Variants in GATM observed in about 807,000 individuals in gnomAD.
GATM encodes glycine amidinotransferase, mitochondrial.
A neutral mutation model predicts 54.2 loss-of-function variants in GATM; 23 were observed. That is an observed-to-expected ratio of 0.42 (90% CI 0.31 to 0.60). The LOEUF (loss-of-function observed/expected upper bound fraction) is 0.60, where lower values mean the gene tolerates loss of function less well. GATM is among the 20% of genes least tolerant of loss of function. GATM has a pLI of 0.14. For synonymous variants in GATM, 168 were observed against 183.1 expected (o/e 0.92, Z 0.67); for missense variants, 401 against 544.9 (o/e 0.74, Z 2.63).
intron 3 of GATM, among the ~76,000 whole-genome samples, chr15:45,383,744 A>G (rs1889772892): frequency 6.6e-6 from 1 of 152,106 alleles, no homozygotes; most frequent in Admixed American, 6.5e-5. Flanking sequence ...GGGTTTCACC[A>G]TATTGGCCAG....
intron 6 of GATM, among the ~76,000 whole-genome samples, chr15:45,365,817 A>G (rs1375688013): frequency 6.6e-6 from 1 of 152,242 alleles, no homozygotes; most frequent in Non-Finnish European, 1.5e-5. Context: ...GCAAGTGGCC[A>G]AAGTCTGATG....
At chr15:45,372,418 CT>C (rs1889559170) in intron 2 of GATM, among the ~76,000 whole-genome samples, 10 of 152,190 alleles carry the variant, frequency 6.6e-5, no homozygotes, top group Admixed American at 1.3e-4. Context: ...AAAGACCAAG[CT>C]ACCCTTTCAA....
At chr15:45,379,614 A>G (rs926201270), upstream of GATM, 1 of 152,248 alleles carries the variant, frequency 6.6e-6, no homozygotes, top group African/African-American at 2.4e-5. Context: ...GAACAATAGA[A>G]TTTACTGTCC....
At chr15:45,378,920 T>G (rs2140662295), upstream of GATM, 1 of 152,896 alleles carries the variant, frequency 6.5e-6, no homozygotes, top group Middle Eastern at 3.3e-3. Context: ...TAAATTCACA[T>G]ATGCGCACTG....
intron 1 of GATM, chr15:45,378,155 C>T (rs1889672892): frequency 1.1e-5 from 5 of 475,654 alleles, no homozygotes; most frequent in Non-Finnish European, 1.1e-5. Context: ...AGGGCTGGAG[C>T]CGCAACGCAA....
rs771343478 is a variant in GATM at position 45,369,327 on chromosome 15, C to T, written c.483G>A (p.Thr161=). The part of the protein sequence containing the change: ...LKYKTPDFES[T]GLYSAMPRDI... ...GTTTAGTTATCTGACATCACTTACC[C>T]GTAGACTCAAAATCAGGAGTTTTAT... The change falls in exon 3 of 9, where the codon ACG becomes ACA. Residue 161 remains threonine, a splice_region_variant and synonymous_variant. Transcript: ENST00000396659. 4.8e-5 allele frequency: 78 copies of T among 1,613,108 alleles called. No homozygotes were observed. The highest frequency in any genetic ancestry group is 1.7e-5 in the Admixed American group (1 of 60,006).
rs947552216 is a variant in GATM, at chr15:45,368,399, C to T, written c.485-139G>A. The T allele has an allele frequency of 1.4e-6, 1 of 727,414 alleles. No homozygotes were observed. The highest frequency in any genetic ancestry group is 2.4e-6 in the Non-Finnish European group (1 of 413,726). 45.1% of individuals were successfully genotyped at this position (727,414 alleles called of 1,614,324 possible). A position where few individuals can be genotyped will look rare whatever the true frequency, so the allele number is the denominator to read the frequency against. On this transcript the variant is annotated intron_variant, in intron 3 of 8. Coordinates refer to ENST00000396659, the MANE Select transcript of GATM (RefSeq NM_001482.3). The surrounding 1 kb of genome is among the most constrained non-coding windows in gnomAD (Gnocchi z 5.1). ...GGCCAAGACGGGCGGATCACTTGAT[C>T]CTCTTCAAGAGCAGCCTGGCCAACA...
intron 6 of GATM, 62 bp from the exon 7 acceptor site, chr15:45,364,922 T>A: frequency 5.5e-6 from 7 of 1,279,468 alleles, no homozygotes; most frequent in East Asian, 2.4e-5. Flanking sequence ...TTATTATTAG[T>A]CTCTAATAGC....
chr15:45,369,759 G>C, intron 2 of GATM: 1 of 512,760 alleles, frequency 2.0e-6, no homozygotes, highest in Non-Finnish European at 3.5e-6. Context: ...CCTCCTGCCT[G>C]AGATCTCATG....
chr15:45,366,402 G>C lies in GATM; in HGVS notation c.782C>G (p.Ala261Gly), dbSNP rs1184570553. ...TCTCTGTGCAAAAATATCTCTTCCA[G>C]CTCGAATGAAGTCAGCAGCATCAAA... ...PCFDAADFIR[A>G]GRDIFAQRSQ... Residue 261 changes from alanine (A) to glycine (G), a missense_variant, in exon 5 of 9, where the codon GCT becomes GGT. By Grantham distance (60) the Ala-to-Gly change is moderately conservative (BLOSUM62 0). Coordinates refer to ENST00000396659, the MANE Select transcript of GATM (RefSeq NM_001482.3). 12 of 1,614,174 alleles carry C rather than the reference G, an allele frequency of 7.4e-6. No homozygotes were observed. The highest frequency in any genetic ancestry group is 9.3e-6 in the Non-Finnish European group (11 of 1,180,036).
chr15:45,398,347 C>T (rs965469262), intron 2 of GATM, among the ~76,000 whole-genome samples: 2 of 152,168 alleles, frequency 1.3e-5, no homozygotes, highest in African/African-American at 4.8e-5. Context: ...ATGAATCAAG[C>T]AATTTCCTGA....
Position 45,362,209 on chromosome 15 carries a change from A to G in GATM, c.1172T>C (p.Ile391Thr). Residue 391 changes from isoleucine (I) to threonine (T), a missense_variant, in exon 9 of 9, where the codon ATT becomes ACT. By Grantham distance (89) the Ile-to-Thr change is moderately conservative (BLOSUM62 -1). Transcript: ENST00000396659. The stretch of plus-strand genomic sequence containing the variant: ...ATTGGCATTACGAATGTTAACTTTA[A>G]TGGTAGTGATACCTGCATTGAAAGA... ...KMFEKLGITT[I>T]KVNIRNANSL... 6.2e-7 allele frequency: 1 copy of G among 1,600,372 alleles called. No homozygotes were observed. Among genetic ancestry groups the G allele is most frequent in the Non-Finnish European group, 8.6e-7 (1 of 1,167,552 alleles).
chr15:45,381,482 T>A (rs957552164), upstream of GATM, among the ~76,000 whole-genome samples: 2 of 152,172 alleles, frequency 1.3e-5, no homozygotes, highest in African/African-American at 4.8e-5. Flanking sequence ...GTCTTGAAAT[T>A]AAAAAAGCAA....
Position 45,368,916 on chromosome 15 carries a change from T to C in GATM, c.484+410A>G, listed in dbSNP as rs8040380. Among the ~76,000 whole-genome samples the C allele has an allele frequency of 0.017, 2,639 of 152,124 alleles. 72 individuals carry two copies. Among genetic ancestry groups the C allele is most frequent in the African/African-American group, 0.059 (2,457 of 41,492 alleles). ...GACTATCGGTATCACAAGATAAAAA[T>C]TGAGCCAAGGATCAATCTAAAACTA... On this transcript the variant is annotated intron_variant, in intron 3 of 8. Coordinates refer to ENST00000396659, the MANE Select transcript of GATM (RefSeq NM_001482.3). The surrounding 1 kb of genome is among the most constrained non-coding windows in gnomAD (Gnocchi z 5.1).
upstream of GATM, chr15:45,378,692 G>C (rs1021737438): frequency 1.0e-5 from 4 of 392,058 alleles, no homozygotes; most frequent in South Asian, 1.5e-4. Flanking sequence ...CCGCTGGCTC[G>C]AGCCTCCGAT....
Position 45,369,344 on chromosome 15 carries a change from G to C in GATM, c.466C>G (p.Pro156Ala), listed in dbSNP as rs771614762. 6.2e-7 allele frequency: 1 copy of C among 1,614,030 alleles called. No individual in the cohort carries two copies. The highest frequency in any genetic ancestry group is 8.5e-7 in the Non-Finnish European group (1 of 1,179,932). The change falls in exon 3 of 9, where the codon CCT becomes GCT. Residue 156 changes from proline (P) to alanine (A), a missense_variant. Transcript: ENST00000396659. ...CACTTACCCGTAGACTCAAAATCAG[G>C]AGTTTTATACTTCAATGACCAGTCA... ...PIDWSLKYKT[P>A]DFESTGLYSA...
intron 4 of GATM, among the ~76,000 whole-genome samples, chr15:45,367,401 T>C (rs1889468013): frequency 6.6e-6 from 1 of 151,810 alleles, no homozygotes; most frequent in African/African-American, 2.4e-5. Flanking sequence ...CCATGAACCG[T>C]ACGGAAAGTA....
Position 45,361,927 on chromosome 15 carries a change from G to A in GATM, c.*182C>T. The A allele has an allele frequency of 1.6e-6, 1 of 624,230 alleles. No individual in the cohort carries two copies. Among genetic ancestry groups the A allele is most frequent in the Non-Finnish European group, 2.9e-6 (1 of 349,202 alleles). The allele number at this position is 624,230 out of a possible 1,614,324, so 38.7% of individuals were successfully genotyped here. ...CTTTAGGAGTAGAGAGTAATACCTA[G>A]CAGAAGTTATTTTCTTTATGTCAAA... On this transcript the variant is annotated 3_prime_UTR_variant, in exon 9 of 9. Transcript: ENST00000396659.
chr15:45,392,933 G>C (rs373666298), intron 3 of GATM, among the ~76,000 whole-genome samples: 1 of 152,166 alleles, frequency 6.6e-6, no homozygotes, highest in African/African-American at 2.4e-5. Flanking sequence ...TGATGACATA[G>C]AACAATCTCT....
Sources: gnomAD v4.1 joint callset for allele counts (sites outside exome capture counted in the v4.1 genomes callset) on GRCh38, gnomAD v4.1.1 for gene constraint, Gnocchi (gnomAD v3.1) non-coding constraint, MANE v1.5 for transcripts, NCBI Gene and HGNC (gene_info 2026-07-23, HGNC 2026-07-21) for gene names.